Variants in IBTK observed in about 807,000 individuals in gnomAD.
IBTK encodes inhibitor of Bruton tyrosine kinase, also known as BTK-binding protein.
Under a neutral mutation model 154.9 loss-of-function variants are expected in IBTK, and 83 were observed. The observed-to-expected ratio is 0.54, with a 90% CI of 0.45 to 0.64. IBTK has a LOEUF of 0.64. IBTK is among the 30% of genes least tolerant of loss of function. IBTK has a pLI of 0.00. For synonymous variants in IBTK, 515 were observed against 536.1 expected (o/e 0.96, Z 0.54); for missense variants, 1,332 against 1,584.6 (o/e 0.84, Z 2.71).
intron 9 of IBTK, among the ~76,000 whole-genome samples, chr6:82,219,947 T>C (rs1265339076): frequency 2.0e-5 from 3 of 152,150 alleles, no homozygotes; most frequent in South Asian, 4.1e-4. Context: ...CAGTGGCTCA[T>C]GCCTGTAATC....
At chr6:82,228,902 T>C (rs187131956) in intron 4 of IBTK, among the ~76,000 whole-genome samples, 3 of 152,288 alleles carry the variant, frequency 2.0e-5, no homozygotes, top group East Asian at 3.9e-4. Flanking sequence ...ATTACAGGTA[T>C]GAGCCACTGC....
At chr6:82,172,563 G>C (rs1180820773) in intron 27 of IBTK, 51 bp from the exon 28 acceptor site, 17 of 1,547,492 alleles carry the variant, frequency 1.1e-5, no homozygotes, top group Admixed American at 1.9e-5. Context: ...ATTTTTGCAT[G>C]CAAAATTTTC....
chr6:82,194,092 C>T (rs183715702), intron 23 of IBTK, among the ~76,000 whole-genome samples: 3 of 152,210 alleles, frequency 2.0e-5, no homozygotes, highest in Admixed American at 6.5e-5. Context: ...AATAGTTACA[C>T]ATTTTGTGAA....
rs1215651500 is a variant in IBTK, at chr6:82,214,456, C to T, written c.1975G>A (p.Glu659Lys). The change falls in exon 12 of 29, where the codon GAA becomes AAA. Residue 659 changes from glutamate (E) to lysine (K), a missense_variant. Physicochemically the swap from Glu to Lys is moderately conservative, Grantham distance 56. This residue lies in a region of IBTK where 1,134 missense variants were observed against 1,274.7 expected (regional missense o/e 0.89). Coordinates refer to ENST00000306270, the MANE Select transcript of IBTK (RefSeq NM_015525.4). Reference protein sequence around the residue: ...PRIHLNKNPEEYQGTLNSHLN... With the variant: ...PRIHLNKNPEKYQGTLNSHLN... ...TGAGAATTCAGAGTTCCCTGATATT[C>T]TTCTGGGTTTTTGTTTAAGTGTATT... 1 of 1,613,966 alleles carries T rather than the reference C, an allele frequency of 6.2e-7. No homozygotes were observed. The highest frequency in any genetic ancestry group is 1.7e-5 in the Admixed American group (1 of 60,016).
chr6:82,171,692 T>G (rs1433297571), intron 28 of IBTK, 136 bp from the exon 29 acceptor site: 1 of 744,178 alleles, frequency 1.3e-6, no homozygotes, highest in African/African-American at 1.8e-5. Context: ...TCAGGTATCC[T>G]GCATTTTAAA....
At chr6:82,223,755 T>C in intron 7 of IBTK, 135 bp from the exon 8 acceptor site, 1 of 680,526 alleles carries the variant, frequency 1.5e-6, no homozygotes, top group Non-Finnish European at 2.4e-6. Flanking sequence ...GCCCTGGAGC[T>C]CGAGACCAGC....
At position 82,224,117 on chromosome 6, in the gene IBTK, T is replaced by C. The variant is rs1333398685; in HGVS notation, c.894A>G (p.Leu298=). 1 of 1,613,648 alleles carries C rather than the reference T, an allele frequency of 6.2e-7. No individual in the cohort carries two copies. Among genetic ancestry groups the C allele is most frequent in the South Asian group, 1.1e-5 (1 of 91,070 alleles). Residue 298 remains leucine (L), a synonymous_variant, in exon 7 of 29, where the codon CTA becomes CTG. Coordinates refer to ENST00000306270, the MANE Select transcript of IBTK (RefSeq NM_015525.4). The part of the protein sequence containing the change: ...GVAAGRFHTV[L]WTREAVYTMG... ...TAGTGTAAACAGCTTCTCTAGTCCA[T>C]AGGACTGTATGAAACCTGCCTGCTG...
At chr6:82,232,125 G>A (rs1466910827) in intron 3 of IBTK, among the ~76,000 whole-genome samples, 1 of 151,604 alleles carries the variant, frequency 6.6e-6, no homozygotes, top group Non-Finnish European at 1.5e-5. Context: ...CACCTCACGG[G>A]CTCAAGTGAT....
At chr6:82,204,157 GGAGAAA>G (rs1471269504) in intron 17 of IBTK, among the ~76,000 whole-genome samples, 1 of 152,106 alleles carries the variant, frequency 6.6e-6, no homozygotes, top group Non-Finnish European at 1.5e-5. Flanking sequence ...GAAGTAGACA[GGAGAAA>G]GAGCATTTAA....
chr6:82,180,313 A>G (rs994885395), intron 26 of IBTK, among the ~76,000 whole-genome samples: 1 of 152,026 alleles, frequency 6.6e-6, no homozygotes, highest in Non-Finnish European at 1.5e-5. Context: ...TGGCACAATC[A>G]TGGCTAACTG....
At chr6:82,232,474 T>C (rs1294727999) in intron 3 of IBTK, among the ~76,000 whole-genome samples, 1 of 152,242 alleles carries the variant, frequency 6.6e-6, no homozygotes. Flanking sequence ...AAGTTCATGA[T>C]ATAAATCTTC....
intron 3 of IBTK, among the ~76,000 whole-genome samples, chr6:82,233,711 G>GTTGTT (rs1554187491): frequency 2.4e-4 from 29 of 122,838 alleles, no homozygotes; most frequent in African/African-American, 8.6e-4. Flanking sequence ...CATTTGTAAA[G>GTTGTT]TTTTTTTTTT....
chr6:82,202,389 C>T (rs1769241213), intron 18 of IBTK, 139 bp downstream of exon 18: 2 of 627,546 alleles, frequency 3.2e-6, no homozygotes, highest in South Asian at 4.2e-5. Context: ...ATGTACATAA[C>T]TTCTAAATCA....
At chr6:82,186,073 ATTG>A in intron 25 of IBTK, among the ~76,000 whole-genome samples, 1 of 152,242 alleles carries the variant, frequency 6.6e-6, no homozygotes, top group South Asian at 2.1e-4. Context: ...TACTATTATA[ATTG>A]TTTTGGAGCA....
chr6:82,190,218 C>G (rs1175481245), intron 25 of IBTK, among the ~76,000 whole-genome samples: 1 of 152,144 alleles, frequency 6.6e-6, no homozygotes, highest in African/African-American at 2.4e-5. Context: ...TTATTTGCCA[C>G]TTTCTTCAAA....
intron 1 of IBTK, 144 bp downstream of exon 1, chr6:82,247,418 G>C (rs988955194): frequency 1.3e-5 from 5 of 395,492 alleles, no homozygotes; most frequent in Non-Finnish European, 2.2e-5. Context: ...GGCAGCCTCG[G>C]GGCCACAGAG....
At chr6:82,187,512 C>T (rs1477373465) in intron 25 of IBTK, among the ~76,000 whole-genome samples, 1 of 152,000 alleles carries the variant, frequency 6.6e-6, no homozygotes, top group Non-Finnish European at 1.5e-5. Flanking sequence ...CCCACAAGGG[C>T]AAAAATAATA....
chr6:82,210,770 C>T, intron 16 of IBTK, 44 bp downstream of exon 16: 1 of 772,724 alleles, frequency 1.3e-6, no homozygotes, highest in East Asian at 3.0e-5. Context: ...ACCATTATTC[C>T]ATTATATGTG....
intron 21 of IBTK, among the ~76,000 whole-genome samples, 187 bp downstream of exon 21, chr6:82,199,954 T>C (rs559108108): frequency 7.2e-5 from 11 of 152,316 alleles, no homozygotes; most frequent in African/African-American, 2.4e-4. Context: ...AGGACTTCCC[T>C]GATCTCAGAT....
Sources: allele counts gnomAD v4.1 joint callset (sites outside exome capture counted in the v4.1 genomes callset), GRCh38; gene constraint gnomAD v4.1.1; regional missense constraint gnomAD v4.1.1; transcripts MANE v1.5; gene names NCBI Gene and HGNC (gene_info 2026-07-23, HGNC 2026-07-21).